The following EMID1 variants were observed in gnomAD, a reference collection of about 807,000 sequenced individuals.
EMID1 encodes EMI domain-containing protein 1.
EMID1 carries 40 observed loss-of-function variants against 60.6 expected under a neutral mutation model. The ratio of observed to expected loss-of-function variants is 0.66; its 90% CI spans 0.51 to 0.86. The LOEUF (loss-of-function observed/expected upper bound fraction) is 0.86. Ranked by LOEUF, EMID1 falls within the 40% of genes least tolerant of loss-of-function variation. EMID1 has a pLI of 0.00. For synonymous variants in EMID1, 242 were observed against 231.0 expected (o/e 1.05, Z -0.43); for missense variants, 585 against 597.1 (o/e 0.98, Z 0.21).
Position 29,234,187 on chromosome 22 carries a change from G to A in EMID1, c.1017G>A (p.Glu339=), listed in dbSNP as rs1262052585. ...GPKGISGHPG[E]KGERGLRGEP... ...AAGGAATCTCTGGCCACCCAGGAGA[G>A]AAGGGCGAGAGAGTGAGTACCCAGG... Residue 339 remains glutamate, a synonymous_variant, in exon 11 of 15, where the codon GAG becomes GAA. Coordinates refer to ENST00000334018, the MANE Select transcript of EMID1 (RefSeq NM_133455.4). 4 of 1,604,880 alleles carry A rather than the reference G, an allele frequency of 2.5e-6. No individual in the cohort carries two copies. The highest frequency in any genetic ancestry group is 1.1e-5 in the South Asian group (1 of 89,374).
Position 29,231,235 on chromosome 22 carries a change from A to C in EMID1, c.586+95A>C, listed in dbSNP as rs961726933. ...GTCCCCACCCTGTCGCTGACTCCCA[A>C]CTTAACCCTCTAGTGGGCCTCAGTC... On this transcript the variant is annotated intron_variant, in intron 6 of 14. Coordinates refer to ENST00000334018, the MANE Select transcript of EMID1 (RefSeq NM_133455.4). 15 of 1,480,970 alleles carry C rather than the reference A, an allele frequency of 1.0e-5. No homozygotes were observed. In the African/African-American group the frequency reaches 1.4e-4, roughly 14 times the overall value. 91.7% of individuals were successfully genotyped at this position (1,480,970 alleles called of 1,614,324 possible).
chr22:29,250,733 A>AT (rs748172215), intron 13 of EMID1, among the ~76,000 whole-genome samples: 345 of 22,472 alleles, frequency 0.015, 30 homozygotes, highest in African/African-American at 0.04. Flanking sequence ...CACCCGGCTA[A>AT]TTTTTTTTTT....
chr22:29,259,196 G>A lies in EMID1; in HGVS notation c.*252G>A, dbSNP rs1246883725. 2 of 552,036 alleles carry A rather than the reference G, an allele frequency of 3.6e-6. No individual in the cohort carries two copies. The highest frequency in any genetic ancestry group is 4.0e-5 in the African/African-American group (2 of 50,576). 34.2% of individuals were successfully genotyped at this position (552,036 alleles called of 1,614,324 possible). Reference sequence around the variant, plus strand: ...GGGGGGAGGCAGGCCTTCAAGGAGGGATAGAGGTACAAGGCTTCGTCTCAT... The same window carrying A: ...GGGGGGAGGCAGGCCTTCAAGGAGGAATAGAGGTACAAGGCTTCGTCTCAT... On this transcript the variant is annotated 3_prime_UTR_variant, in exon 15 of 15. Transcript: ENST00000334018.
chr22:29,216,055 A>C (rs1019442194), intron 3 of EMID1, among the ~76,000 whole-genome samples: 3 of 152,116 alleles, frequency 2.0e-5, no homozygotes, highest in Non-Finnish European at 4.4e-5. Flanking sequence ...GAGGCTCAGG[A>C]AGGGGAGGGG....
At position 29,233,369 on chromosome 22, in the gene EMID1, G is replaced by A; in HGVS notation, c.824-10G>A. On this transcript the variant is annotated splice_polypyrimidine_tract_variant and intron_variant, in intron 8 of 14. Transcript: ENST00000334018. ...CCAGCTCTACTCACTCATCATCTTT[G>A]CTCACCCAGGAGACCCATTGCTGTC... 1 of 1,613,782 alleles carries A rather than the reference G, an allele frequency of 6.2e-7. No individual in the cohort carries two copies. Among genetic ancestry groups the A allele is most frequent in the East Asian group, 2.2e-5 (1 of 44,878 alleles).
chr22:29,252,000 G>A (rs1040904015), intron 13 of EMID1, among the ~76,000 whole-genome samples: 2 of 152,094 alleles, frequency 1.3e-5, no homozygotes, highest in Admixed American at 1.3e-4. Flanking sequence ...GTAGATATGG[G>A]GTCTTGCTAT....
intron 3 of EMID1, among the ~76,000 whole-genome samples, chr22:29,223,522 T>C (rs2040380195): frequency 6.6e-6 from 1 of 152,188 alleles, no homozygotes; most frequent in South Asian, 2.1e-4. Flanking sequence ...CTGCTGAACA[T>C]TGAGCCTCCC....
chr22:29,230,629 G>T (rs2040702752), intron 5 of EMID1, among the ~76,000 whole-genome samples: 1 of 152,168 alleles, frequency 6.6e-6, no homozygotes, highest in African/African-American at 2.4e-5. Context: ...CTGGCCATGT[G>T]CCTCCTGCCT....
chr22:29,216,151 G>C (rs576079353), intron 3 of EMID1, among the ~76,000 whole-genome samples: 3 of 152,154 alleles, frequency 2.0e-5, no homozygotes, highest in Non-Finnish European at 4.4e-5. Flanking sequence ...CTGGGCCCTT[G>C]TGTGCAGAGC....
At chr22:29,254,491 ACCCGGGCC>A in intron 14 of EMID1, 1 of 563,914 alleles carries the variant, frequency 1.8e-6, no homozygotes, top group East Asian at 3.1e-5. Context: ...TGCCCTAGAA[ACCCGGGCC>A]CTGCTGCTGT....
chr22:29,234,846 A>G (rs1404483169), intron 12 of EMID1, among the ~76,000 whole-genome samples: 4 of 150,950 alleles, frequency 2.6e-5, no homozygotes, highest in Non-Finnish European at 5.9e-5. Context: ...TTTGCATGTT[A>G]TATCTTTTTT....
intron 3 of EMID1, among the ~76,000 whole-genome samples, chr22:29,218,318 A>C (rs1425899888): frequency 6.6e-6 from 1 of 152,216 alleles, no homozygotes; most frequent in Non-Finnish European, 1.5e-5. Context: ...ACTTCACGGC[A>C]CTGGGCCCTG....
intron 14 of EMID1, among the ~76,000 whole-genome samples, chr22:29,257,394 G>C (rs1436867469): frequency 1.3e-5 from 2 of 152,204 alleles, no homozygotes; most frequent in South Asian, 4.1e-4. Flanking sequence ...TCTCTTAGAG[G>C]AGTAAACTTG....
rs759641869 is a variant in EMID1, at chr22:29,254,197, C to T, written c.1120-6C>T. On this transcript the variant is annotated splice_polypyrimidine_tract_variant and splice_region_variant and intron_variant, in intron 13 of 14. Coordinates refer to ENST00000334018, the MANE Select transcript of EMID1 (RefSeq NM_133455.4). Reference sequence around the variant, plus strand: ...TCACGGCTGCATCTGTCTCTTTCCTCCACAGGGGGAGGGGTTGCACCAGCT... The same window carrying T: ...TCACGGCTGCATCTGTCTCTTTCCTTCACAGGGGGAGGGGTTGCACCAGCT... 1.2e-6 allele frequency: 2 copies of T among 1,614,062 alleles called. No individual in the cohort carries two copies. The highest frequency in any genetic ancestry group is 1.7e-6 in the Non-Finnish European group (2 of 1,179,984).
chr22:29,207,284 C>T (rs1390618706), intron 1 of EMID1, among the ~76,000 whole-genome samples: 4 of 152,212 alleles, frequency 2.6e-5, no homozygotes, highest in Admixed American at 6.5e-5. Flanking sequence ...TTACAGCCAC[C>T]ACCTATTGTG....
intron 1 of EMID1, among the ~76,000 whole-genome samples, chr22:29,212,666 C>A (rs573586054): frequency 6.6e-6 from 1 of 152,052 alleles, no homozygotes; most frequent in South Asian, 2.1e-4. Context: ...CAGATTCAAG[C>A]AATTCTCCTG....
chr22:29,242,954 C>A (rs895667515), intron 12 of EMID1, among the ~76,000 whole-genome samples: 1 of 152,198 alleles, frequency 6.6e-6, no homozygotes, highest in Non-Finnish European at 1.5e-5. Context: ...CCCCTCTGGG[C>A]TCCTTGGAGT....
chr22:29,243,536 C>A (rs1408330020), intron 13 of EMID1, 47 bp downstream of exon 13: 1 of 1,610,310 alleles, frequency 6.2e-7, no homozygotes, highest in South Asian at 1.1e-5. Flanking sequence ...CTCAGCCCTA[C>A]ATGCTCAAGA....
At chr22:29,249,354 C>A (rs2041439016) in intron 13 of EMID1, among the ~76,000 whole-genome samples, 2 of 152,068 alleles carry the variant, frequency 1.3e-5, no homozygotes, top group South Asian at 4.1e-4. Context: ...ACAACCTCCG[C>A]CTTCCAGGTT....
Sources: gnomAD v4.1 joint callset for allele counts (sites outside exome capture counted in the v4.1 genomes callset) on GRCh38, gnomAD v4.1.1 for gene constraint, MANE v1.5 for transcripts, NCBI Gene and HGNC (gene_info 2026-07-23, HGNC 2026-07-21) for gene names.